Variants in ATRNL1 observed in about 807,000 individuals in gnomAD.
The protein encoded by ATRNL1 is attractin-like protein 1.
ATRNL1 carries 95 observed loss-of-function variants against 182.7 expected under a neutral mutation model. The ratio of observed to expected loss-of-function variants is 0.52; its 90% CI spans 0.44 to 0.62. The LOEUF is 0.62. ATRNL1 is among the 20% of genes least tolerant of loss of function. The pLI is 0.00. For synonymous variants in ATRNL1, 576 were observed against 568.3 expected, an observed-to-expected ratio of 1.01 and a Z score of -0.19; for missense variants, 1,471 against 1,679.5, an observed-to-expected ratio of 0.88 and a Z score of 2.17.
chr10:115,245,869 C>A (rs1373078652), intron 10 of ATRNL1, among the ~76,000 whole-genome samples: 1 of 152,134 alleles, frequency 6.6e-6, no homozygotes, highest in Non-Finnish European at 1.5e-5. Flanking sequence ...CTGAAAGAAA[C>A]AATTTCTTTG....
At chr10:115,100,887 T>C (rs1843743004) in intron 1 of ATRNL1, among the ~76,000 whole-genome samples, 1 of 152,208 alleles carries the variant, frequency 6.6e-6, no homozygotes, top group African/African-American at 2.4e-5. Flanking sequence ...ATTTATTTAG[T>C]TGTTTAATCT....
chr10:115,700,656 T>C (rs1195529787), intron 26 of ATRNL1, among the ~76,000 whole-genome samples: 5 of 152,160 alleles, frequency 3.3e-5, no homozygotes, highest in Admixed American at 3.3e-4. Context: ...TTGTCTGTTA[T>C]ACTTTGTTGA....
intron 19 of ATRNL1, among the ~76,000 whole-genome samples, chr10:115,382,588 G>T (rs1858081369): frequency 6.6e-6 from 1 of 151,072 alleles, no homozygotes; most frequent in Non-Finnish European, 1.5e-5. Context: ...AGTTCTAATA[G>T]ACTTTTTGTG....
intron 8 of ATRNL1, among the ~76,000 whole-genome samples, chr10:115,174,595 C>T (rs1286277551): frequency 1.3e-5 from 2 of 151,724 alleles, no homozygotes; most frequent in East Asian, 3.9e-4. Context: ...TATAAATGAC[C>T]AGATAGTAAA....
intron 26 of ATRNL1, among the ~76,000 whole-genome samples, chr10:115,616,279 G>A (rs1432602283): frequency 5.3e-5 from 8 of 152,186 alleles, no homozygotes; most frequent in Non-Finnish European, 8.8e-5. Flanking sequence ...AAGCAACAAA[G>A]CATTCAAGTT....
At chr10:115,641,726 T>C (rs1859259817) in intron 26 of ATRNL1, among the ~76,000 whole-genome samples, 1 of 152,120 alleles carries the variant, frequency 6.6e-6, no homozygotes, top group African/African-American at 2.4e-5. Context: ...AATTTTGCAC[T>C]GTAAGATGAG....
At chr10:115,511,696 A>T (rs892509158) in intron 24 of ATRNL1, among the ~76,000 whole-genome samples, 1 of 151,926 alleles carries the variant, frequency 6.6e-6, no homozygotes, top group East Asian at 1.9e-4. Flanking sequence ...CAACTTTTTT[A>T]TAAAATCATA....
intron 19 of ATRNL1, among the ~76,000 whole-genome samples, chr10:115,369,451 C>G (rs925013364): frequency 6.6e-6 from 1 of 152,040 alleles, no homozygotes; most frequent in Admixed American, 6.6e-5. Flanking sequence ...GAGTTGATCA[C>G]TTTTGTGTAG....
chr10:115,598,526 G>A (rs1221607523), intron 26 of ATRNL1, among the ~76,000 whole-genome samples: 4 of 151,416 alleles, frequency 2.6e-5, no homozygotes, highest in African/African-American at 4.9e-5. Context: ...ACCACGCCTG[G>A]CTAATTTTTG....
chr10:115,272,308 C>T (rs1399694330), intron 13 of ATRNL1, among the ~76,000 whole-genome samples: 1 of 152,132 alleles, frequency 6.6e-6, no homozygotes, highest in Non-Finnish European at 1.5e-5. Flanking sequence ...GTATTCTAGA[C>T]ATATTCTTCC....
intron 26 of ATRNL1, among the ~76,000 whole-genome samples, chr10:115,700,624 A>C (rs1946703970): frequency 6.6e-6 from 1 of 152,070 alleles, no homozygotes; most frequent in Admixed American, 6.6e-5. Context: ...TAGCTTGTGA[A>C]TATTTTCTCC....
chr10:115,647,147 G>A (rs1332856213), intron 26 of ATRNL1, among the ~76,000 whole-genome samples: 1 of 152,008 alleles, frequency 6.6e-6, no homozygotes, highest in African/African-American at 2.4e-5. Flanking sequence ...TTTTATGGCT[G>A]CGTAGTATTC....
chr10:115,778,082 TA>T (rs1949172459), intron 27 of ATRNL1, among the ~76,000 whole-genome samples: 1 of 152,038 alleles, frequency 6.6e-6, no homozygotes, highest in South Asian at 2.1e-4. Flanking sequence ...GAGGGAAGAA[TA>T]AAAACAGAAC....
chr10:115,688,765 A>G (rs782311252), intron 26 of ATRNL1, among the ~76,000 whole-genome samples: 4 of 152,054 alleles, frequency 2.6e-5, no homozygotes, highest in African/African-American at 4.8e-5. Context: ...GGGGTGGTCT[A>G]TTCACTCTGC....
At chr10:115,793,483 TA>T (rs1949577134) in intron 27 of ATRNL1, among the ~76,000 whole-genome samples, 1 of 151,796 alleles carries the variant, frequency 6.6e-6, no homozygotes, top group South Asian at 2.1e-4. Context: ...TAAACCACAA[TA>T]AAGTTAATAT....
chr10:115,295,788 A>G (rs1202146410), intron 15 of ATRNL1, among the ~76,000 whole-genome samples: 5 of 152,096 alleles, frequency 3.3e-5, no homozygotes, highest in African/African-American at 1.2e-4. Flanking sequence ...GTGTAGGACC[A>G]GAGTCACAGC....
intron 1 of ATRNL1, among the ~76,000 whole-genome samples, chr10:115,096,313 C>G (rs949107071): frequency 6.6e-6 from 1 of 151,912 alleles, no homozygotes; most frequent in Non-Finnish European, 1.5e-5. Flanking sequence ...TATGTATACT[C>G]TTGGGGATAA....
At chr10:115,272,686 C>T (rs1160415595) in intron 13 of ATRNL1, among the ~76,000 whole-genome samples, 1 of 152,162 alleles carries the variant, frequency 6.6e-6, no homozygotes, top group African/African-American at 2.4e-5. Flanking sequence ...TGACTCAGAG[C>T]TTATATGGCT....
At chr10:115,896,809 A>G (rs74160715) in intron 28 of ATRNL1, among the ~76,000 whole-genome samples, 2 of 152,300 alleles carry the variant, frequency 1.3e-5, no homozygotes, top group Admixed American at 6.5e-5. Flanking sequence ...ATTCCTCTTT[A>G]TATTAATTTT....
Sources: gnomAD v4.1 joint callset for allele counts (sites outside exome capture counted in the v4.1 genomes callset) on GRCh38, gnomAD v4.1.1 for gene constraint, MANE v1.5 for transcripts, NCBI Gene and HGNC (gene_info 2026-07-23, HGNC 2026-07-21) for gene names.